The following LANCL3 variants were observed in gnomAD, a reference collection of about 807,000 sequenced individuals.
LANCL3 encodes LanC like family member 3, also known as lanC-like protein 3.
Under a neutral mutation model 26.5 loss-of-function variants are expected in LANCL3, and 19 were observed. The observed-to-expected ratio is 0.72, with a 90% CI of 0.50 to 1.05. The LOEUF is 1.05. Among genes scored for constraint, LANCL3 ranks in the 50% least tolerant of loss-of-function variants. LANCL3 has a pLI of 0.00. For missense variants in LANCL3, 318 were observed against 362.7 expected, an observed-to-expected ratio of 0.88 and a Z score of 1.00; for synonymous variants, 160 against 166.6, an observed-to-expected ratio of 0.96 and a Z score of 0.30.
At chrX:37,652,598 G>A (rs182783706) in intron 1 of LANCL3, among the ~76,000 whole-genome samples, 2 of 112,424 alleles carry the variant, frequency 1.8e-5, no homozygotes, top group Non-Finnish European at 3.8e-5. Flanking sequence ...ATTGATCTTA[G>A]GGGCTACAAC....
At position 37,680,771 on chromosome X, in the gene LANCL3, T is replaced by C. The variant is rs1232218248; in HGVS notation, c.*4958T>C. On this transcript the variant is annotated 3_prime_UTR_variant, in exon 5 of 5. Coordinates refer to ENST00000378619, the MANE Select transcript of LANCL3 (RefSeq NM_001170331.2). ...GTTATGAAAACAGTTTGCAAAGTCT[T>C]CCTGTTTGCTTCCCTTTTGGTTTTT... is the stretch of plus-strand genomic sequence containing the variant. 1 of 111,534 alleles carries C rather than the reference T, an allele frequency of 9.0e-6. No individual in the cohort carries two copies. Among genetic ancestry groups the C allele is most frequent in the Non-Finnish European group, 1.9e-5 (1 of 53,113 alleles). The allele number at this position is 111,534 out of a possible 1,213,427, so 9.2% of individuals were successfully genotyped here. A position where few individuals can be genotyped will look rare whatever the true frequency, so the allele number is the denominator to read the frequency against.
chrX:37,669,432 T>C (rs1926628014), intron 4 of LANCL3, among the ~76,000 whole-genome samples: 1 of 111,496 alleles, frequency 9.0e-6, no homozygotes, highest in East Asian at 2.8e-4. Flanking sequence ...TAGGAGGTGA[T>C]TGGATCCTGG....
intron 1 of LANCL3, among the ~76,000 whole-genome samples, chrX:37,613,673 G>C (rs1556421427): frequency 8.9e-6 from 1 of 112,188 alleles, no homozygotes; most frequent in Non-Finnish European, 1.9e-5. Flanking sequence ...TTGTATGTTA[G>C]CCTTTTCAAC....
chrX:37,637,581 C>G lies in LANCL3; in HGVS notation c.574-18107C>G, dbSNP rs184828671. 1.1e-3 allele frequency among the ~76,000 whole-genome samples: 124 copies of G among 111,567 alleles called. 2 individuals are homozygous for G. Among genetic ancestry groups the G allele is most frequent in the African/African-American group, 3.8e-3 (116 of 30,696 alleles). On this transcript the variant is annotated intron_variant, in intron 1 of 4. Coordinates refer to ENST00000378619, the MANE Select transcript of LANCL3 (RefSeq NM_001170331.2). ...GCAGCAGCCATTTTGTGCCTATAGTCCACCATGAAGTAAGGAAGTGCAAAT... is the reference window on the plus strand; with the variant it reads ...GCAGCAGCCATTTTGTGCCTATAGTGCACCATGAAGTAAGGAAGTGCAAAT...
At chrX:37,639,200 CAT>C (rs1306620031) in intron 1 of LANCL3, among the ~76,000 whole-genome samples, 1 of 100,478 alleles carries the variant, frequency 1.0e-5, no homozygotes, top group Admixed American at 1.1e-4. Flanking sequence ...TATACACACA[CAT>C]ATATACATGT....
At chrX:37,622,820 C>T (rs1925205094) in intron 1 of LANCL3, among the ~76,000 whole-genome samples, 1 of 111,907 alleles carries the variant, frequency 8.9e-6, no homozygotes, top group Non-Finnish European at 1.9e-5. Flanking sequence ...ACTGCCTATA[C>T]TCTGTCTCCA....
chrX:37,595,168 C>T (rs782412592), intron 1 of LANCL3, among the ~76,000 whole-genome samples: 2 of 111,785 alleles, frequency 1.8e-5, no homozygotes, highest in African/African-American at 6.5e-5. Flanking sequence ...CAACTCCAAG[C>T]TCTTAATTGC....
chrX:37,626,254 G>A (rs1602113647), intron 1 of LANCL3, among the ~76,000 whole-genome samples: 2 of 112,189 alleles, frequency 1.8e-5, no homozygotes, highest in South Asian at 3.7e-4. Flanking sequence ...CTGAGTTGGT[G>A]TAAAGATAGA....
intron 1 of LANCL3, among the ~76,000 whole-genome samples, chrX:37,633,499 G>A (rs1925600696): frequency 9.0e-6 from 1 of 111,512 alleles, no homozygotes; most frequent in African/African-American, 3.3e-5. Flanking sequence ...GAGGAGGAGA[G>A]GCGCTCTGCT....
intron 1 of LANCL3, among the ~76,000 whole-genome samples, chrX:37,644,915 A>G (rs1391938163): frequency 1.8e-5 from 2 of 112,210 alleles, no homozygotes; most frequent in Non-Finnish European, 3.8e-5. Flanking sequence ...TGGGATTTTT[A>G]AAAGCTCCCC....
At chrX:37,640,650 A>G (rs782745078) in intron 1 of LANCL3, among the ~76,000 whole-genome samples, 1 of 112,003 alleles carries the variant, frequency 8.9e-6, no homozygotes, top group East Asian at 2.8e-4. Context: ...TTACAAGGTT[A>G]TAAATCCTGC....
intron 1 of LANCL3, among the ~76,000 whole-genome samples, chrX:37,585,921 A>G (rs1381078695): frequency 1.8e-5 from 2 of 111,689 alleles, no homozygotes; most frequent in African/African-American, 3.3e-5. Flanking sequence ...GCATGTTTTT[A>G]CAGTGGCTGG....
chrX:37,641,526 C>T (rs1925861907), intron 1 of LANCL3, among the ~76,000 whole-genome samples: 1 of 110,622 alleles, frequency 9.0e-6, no homozygotes, highest in African/African-American at 3.3e-5. Context: ...GCTTCCTCTA[C>T]ATCCAAGGAA....
chrX:37,614,759 A>T (rs1437206083), intron 1 of LANCL3, among the ~76,000 whole-genome samples: 2 of 112,383 alleles, frequency 1.8e-5, no homozygotes, highest in African/African-American at 6.5e-5. Flanking sequence ...TGTACCACAT[A>T]TAAGCACAAT....
intron 1 of LANCL3, among the ~76,000 whole-genome samples, chrX:37,575,827 G>A (rs1224653289): frequency 8.9e-6 from 1 of 111,959 alleles, no homozygotes; most frequent in Non-Finnish European, 1.9e-5. Flanking sequence ...GCCATTCTAT[G>A]AAGCTTGATA....
intron 2 of LANCL3, among the ~76,000 whole-genome samples, chrX:37,656,533 T>G (rs1926289221): frequency 8.9e-6 from 1 of 112,347 alleles, no homozygotes; most frequent in African/African-American, 3.2e-5. Flanking sequence ...CAAACATCAT[T>G]AATCTGCTGA....
At chrX:37,662,427 A>C (rs1222364138) in intron 3 of LANCL3, among the ~76,000 whole-genome samples, 1 of 112,098 alleles carries the variant, frequency 8.9e-6, no homozygotes, top group Non-Finnish European at 1.9e-5. Context: ...ATTTCATAAA[A>C]GCTCTTGGGT....
intron 1 of LANCL3, among the ~76,000 whole-genome samples, chrX:37,635,612 T>C (rs1470465566): frequency 9.0e-6 from 1 of 111,071 alleles, no homozygotes; most frequent in Non-Finnish European, 1.9e-5. Context: ...TTCTACTTTT[T>C]ATTTTTATGA....
rs1388942936 is a variant in LANCL3, at chrX:37,583,240, T to C, written c.573+10797T>C. Among the ~76,000 whole-genome samples the C allele has an allele frequency of 9.2e-4, 103 of 112,101 alleles. 1 individual carries two copies. Among genetic ancestry groups the C allele is most frequent in the Non-Finnish European group, 1.6e-3 (87 of 53,185 alleles). ...TGTAGCCTTGTAGTATAGTTTGAAGTCAGGTAGCGTGATGCCTCCAGCTTT... is the reference window on the plus strand; with the variant it reads ...TGTAGCCTTGTAGTATAGTTTGAAGCCAGGTAGCGTGATGCCTCCAGCTTT... On this transcript the variant is annotated intron_variant, in intron 1 of 4. Coordinates refer to ENST00000378619, the MANE Select transcript of LANCL3 (RefSeq NM_001170331.2).
Sources: allele counts gnomAD v4.1 joint callset (sites outside exome capture counted in the v4.1 genomes callset), GRCh38; gene constraint gnomAD v4.1.1; transcripts MANE v1.5; gene names NCBI Gene and HGNC (gene_info 2026-07-23, HGNC 2026-07-21).